The following NR3C2 variants were observed in gnomAD, a reference collection of about 807,000 sequenced individuals.
The protein encoded by NR3C2 is nuclear receptor subfamily 3 group C member 2.
Under a neutral mutation model 86.4 loss-of-function variants are expected in NR3C2, and 15 were observed. The ratio of observed to expected loss-of-function variants is 0.17; its 90% CI spans 0.12 to 0.27. The LOEUF (loss-of-function observed/expected upper bound fraction) is 0.27. Among genes scored for constraint, NR3C2 ranks in the 10% least tolerant of loss-of-function variants. NR3C2 has a pLI of 1.00. For missense variants in NR3C2, 960 were observed against 1,195.6 expected (o/e 0.80, Z 2.91); for synonymous variants, 458 against 450.5 (o/e 1.02, Z -0.21).
rs768229670 is a variant in NR3C2, at chr4:148,401,652, C to T, written c.1757+33452G>A. Among the ~76,000 whole-genome samples, 18 of 151,720 alleles carry T rather than the reference C, an allele frequency of 1.2e-4. 1 individual carries two copies. The highest frequency in any genetic ancestry group is 1.1e-3 in the Admixed American group (16 of 15,232). On this transcript the variant is annotated intron_variant, in intron 2 of 8. Transcript: ENST00000358102. The stretch of plus-strand genomic sequence containing the variant: ...CTAATTTTTGTATTTTTAGTAGAGA[C>T]GGGATTTCACCTCGTTAGCCAGGAT...
intron 2 of NR3C2, 84 bp downstream of exon 2, chr4:148,435,020 T>C (rs2126649613): frequency 7.6e-7 from 1 of 1,318,812 alleles, no homozygotes; most frequent in South Asian, 1.2e-5. Flanking sequence ...GAAATGTGTT[T>C]AAATTTATCA....
At chr4:148,090,347 G>A (rs1290602828) in intron 8 of NR3C2, among the ~76,000 whole-genome samples, 1 of 152,188 alleles carries the variant, frequency 6.6e-6, no homozygotes, top group Non-Finnish European at 1.5e-5. Flanking sequence ...GCCATTGGGG[G>A]ACCAGCAAGT....
At chr4:148,283,778 G>T (rs1192572330) in intron 2 of NR3C2, among the ~76,000 whole-genome samples, 1 of 152,200 alleles carries the variant, frequency 6.6e-6, no homozygotes, top group Non-Finnish European at 1.5e-5. Context: ...AGGCAACAAA[G>T]AATGTAGTAC....
Position 148,090,802 on chromosome 4 carries a change from G to A in NR3C2, c.2800-9303C>T, listed in dbSNP as rs139810327. Among the ~76,000 whole-genome samples the A allele has an allele frequency of 1.8e-3, 276 of 152,304 alleles. 1 individual carries two copies. The highest frequency in any genetic ancestry group is 6.0e-3 in the African/African-American group (249 of 41,562). On this transcript the variant is annotated intron_variant, in intron 8 of 8. Coordinates refer to ENST00000358102, the MANE Select transcript of NR3C2 (RefSeq NM_000901.5). ...GGCATTTCCCACCCACCTCTGTTCC[G>A]TGTTCCACAGACAGAGAAAGCAGCT...
At chr4:148,203,687 T>C (rs1315012622) in intron 3 of NR3C2, among the ~76,000 whole-genome samples, 1 of 122,374 alleles carries the variant, frequency 8.2e-6, no homozygotes, top group Non-Finnish European at 1.6e-5. Flanking sequence ...TAATGTCGCA[T>C]GGTGAGTTAA....
chr4:148,208,236 A>T (rs977442962), intron 3 of NR3C2: 5 of 152,270 alleles, frequency 3.3e-5, no homozygotes, highest in African/African-American at 1.2e-4. Context: ...TGACTGTGAG[A>T]GCTACAGTTA....
chr4:148,203,060 A>G (rs1736809804), intron 3 of NR3C2, among the ~76,000 whole-genome samples: 1 of 152,222 alleles, frequency 6.6e-6, no homozygotes, highest in Admixed American at 6.5e-5. Flanking sequence ...TTGAAGATAC[A>G]AAGTATTTAA....
chr4:148,400,134 T>C (rs768007366), intron 2 of NR3C2, among the ~76,000 whole-genome samples: 10 of 152,250 alleles, frequency 6.6e-5, no homozygotes, highest in South Asian at 2.1e-4. Context: ...AGGAATTCTT[T>C]GTAGCCCAAT....
chr4:148,386,962 C>A (rs949325418), intron 2 of NR3C2, among the ~76,000 whole-genome samples: 2 of 152,160 alleles, frequency 1.3e-5, no homozygotes, highest in African/African-American at 4.8e-5. Flanking sequence ...CTAGTCTAGT[C>A]CTAACCTCCT....
At chr4:148,184,327 C>T (rs542616921) in intron 4 of NR3C2, among the ~76,000 whole-genome samples, 10 of 150,938 alleles carry the variant, frequency 6.6e-5, no homozygotes, top group African/African-American at 1.7e-4. Context: ...GGTGTAGTGG[C>T]GGGCACCTGT....
chr4:148,442,674 A>T (rs13306590), upstream of NR3C2: 8 of 985,258 alleles, frequency 8.1e-6, no homozygotes, highest in African/African-American at 1.7e-5. Flanking sequence ...GGCGGGCGAC[A>T]TGACTGATAC....
chr4:148,327,576 A>G (rs554151846), intron 2 of NR3C2, among the ~76,000 whole-genome samples: 1 of 152,318 alleles, frequency 6.6e-6, no homozygotes, highest in South Asian at 2.1e-4. Context: ...GGAGCTCCCA[A>G]AGTCCCTCTG....
chr4:148,348,357 CTGT>C (rs1441279527), intron 2 of NR3C2, among the ~76,000 whole-genome samples: 1 of 152,128 alleles, frequency 6.6e-6, no homozygotes, highest in Non-Finnish European at 1.5e-5. Flanking sequence ...ACCTACTATT[CTGT>C]ACATTCTATG....
At chr4:148,378,000 G>C (rs1201343519) in intron 2 of NR3C2, among the ~76,000 whole-genome samples, 1 of 152,148 alleles carries the variant, frequency 6.6e-6, no homozygotes, top group East Asian at 1.9e-4. Context: ...AGGCATGCCA[G>C]ATATACAGGG....
rs1212003074 is a variant in NR3C2, at chr4:148,376,097, G to C, written c.1757+59007C>G. 5.1e-5 allele frequency among the ~76,000 whole-genome samples: 7 copies of C among 136,274 alleles called. No individual in the cohort carries two copies. In the South Asian group the frequency reaches 1.7e-3, roughly 33 times the overall value. 89.4% of individuals were successfully genotyped at this position (136,274 alleles called of 152,430 possible). A position where few individuals can be genotyped will look rare whatever the true frequency, so the allele number is the denominator to read the frequency against. On this transcript the variant is annotated intron_variant, in intron 2 of 8. Coordinates refer to ENST00000358102, the MANE Select transcript of NR3C2 (RefSeq NM_000901.5). ...TCTTTTAAAATTTAAGAATAATAAC[G>C]TTATTCTGCTTATTTTAAAAGAAAT...
chr4:148,085,705 G>GT (rs981995877), intron 8 of NR3C2, among the ~76,000 whole-genome samples: 97 of 151,976 alleles, frequency 6.4e-4, no homozygotes, highest in Admixed American at 1.1e-3. Context: ...CCAGGGGCTG[G>GT]TTTTTTTTGA....
At chr4:148,183,822 A>G (rs1305247458) in intron 4 of NR3C2, among the ~76,000 whole-genome samples, 1 of 152,220 alleles carries the variant, frequency 6.6e-6, no homozygotes, top group East Asian at 1.9e-4. Flanking sequence ...GCAACAAATA[A>G]AAAACAATTC....
chr4:148,183,468 T>A (rs1483779319), intron 4 of NR3C2, among the ~76,000 whole-genome samples: 1 of 152,210 alleles, frequency 6.6e-6, no homozygotes, highest in Non-Finnish European at 1.5e-5. Flanking sequence ...TTTCTCCGCA[T>A]CCTCTCCAGC....
intron 2 of NR3C2, among the ~76,000 whole-genome samples, chr4:148,297,766 G>C (rs1461543609): frequency 6.6e-6 from 1 of 152,000 alleles, no homozygotes; most frequent in East Asian, 1.9e-4. Context: ...TTGCATGTCT[G>C]TAATACCAGC....
Sources: allele counts gnomAD v4.1 joint callset (sites outside exome capture counted in the v4.1 genomes callset), GRCh38; gene constraint gnomAD v4.1.1; transcripts MANE v1.5; gene names NCBI Gene and HGNC (gene_info 2026-07-23, HGNC 2026-07-21).